The following QKI variants were observed in gnomAD, a reference collection of about 807,000 sequenced individuals.
QKI encodes KH domain-containing RNA-binding protein QKI.
A neutral mutation model predicts 39.0 loss-of-function variants in QKI; 10 were observed. The ratio of observed to expected loss-of-function variants is 0.26; its 90% CI spans 0.16 to 0.43. The LOEUF (loss-of-function observed/expected upper bound fraction) is 0.43. QKI is among the 20% of genes least tolerant of loss of function. The pLI is 1.00. For synonymous variants in QKI, 204 were observed against 155.4 expected (o/e 1.31, Z -2.33); for missense variants, 218 against 428.0 (o/e 0.51, Z 4.33).
rs537919822 is a variant in QKI at position 163,574,556 on chromosome 6, A to G, written c.*3846A>G. The G allele has an allele frequency of 1.1e-4, 17 of 152,344 alleles. No individual in the cohort carries two copies. The highest frequency in any genetic ancestry group is 6.8e-3 in the Middle Eastern group (2 of 294). 9.4% of individuals were successfully genotyped at this position (152,344 alleles called of 1,614,324 possible). On this transcript the variant is annotated 3_prime_UTR_variant, in exon 8 of 8. Transcript: ENST00000361752. Reference sequence around the variant, plus strand: ...TACAGTCAGACTAAAACATTAAACAAGAAGTTTAAGGGGGAATAACATTGG... The same window carrying G: ...TACAGTCAGACTAAAACATTAAACAGGAAGTTTAAGGGGGAATAACATTGG...
rs1269382348 is a variant in QKI at position 163,575,783 on chromosome 6, A to G, written c.*5073A>G. On this transcript the variant is annotated 3_prime_UTR_variant, in exon 8 of 8. Coordinates refer to ENST00000361752, the MANE Select transcript of QKI (RefSeq NM_006775.3). ...AATGAAATTGCTCACTACCAAATCA[A>G]GACTCTTCATATATATACGTGTGTG... 2 of 151,856 alleles carry G rather than the reference A, an allele frequency of 1.3e-5. No individual in the cohort carries two copies. The highest frequency in any genetic ancestry group is 2.4e-5 in the African/African-American group (1 of 41,160). The allele number at this position is 151,856 out of a possible 1,614,324, so 9.4% of individuals were successfully genotyped here.
chr6:163,463,122 A>AAT (rs1237542561), intron 2 of QKI, among the ~76,000 whole-genome samples: 2 of 152,228 alleles, frequency 1.3e-5, no homozygotes, highest in Non-Finnish European at 2.9e-5. Flanking sequence ...CTTGGATTTG[A>AAT]ATAGAGTTTC....
intron 1 of QKI, among the ~76,000 whole-genome samples, chr6:163,434,084 T>A (rs1789054674): frequency 1.3e-5 from 2 of 152,176 alleles, no homozygotes; most frequent in African/African-American, 2.4e-5. Context: ...CTTTTTTTTT[T>A]AATCCAGCTC....
Position 163,576,004 on chromosome 6 carries a change from T to A in QKI, c.*5294T>A, listed in dbSNP as rs1357162343. On this transcript the variant is annotated 3_prime_UTR_variant, in exon 8 of 8. Transcript: ENST00000361752. ...ATAGAACTTACTGCCAAATGATTAT[T>A]TATTTAGCAAAAATTATTCTCCAAC... 2 of 151,702 alleles carry A rather than the reference T, an allele frequency of 1.3e-5. No homozygotes were observed. Among genetic ancestry groups the A allele is most frequent in the African/African-American group, 4.9e-5 (2 of 41,034 alleles). The allele number at this position is 151,702 out of a possible 1,614,324, so 9.4% of individuals were successfully genotyped here. A position where few individuals can be genotyped will look rare whatever the true frequency, so the allele number is the denominator to read the frequency against.
intron 3 of QKI, among the ~76,000 whole-genome samples, chr6:163,489,424 CTGTGTGTGTGTGTGTGTGTGTG>C (rs66826538): frequency 6.7e-6 from 1 of 148,942 alleles, no homozygotes; most frequent in African/African-American, 2.5e-5. Context: ...AGAAGTTATG[CTGTGTGTGTGTGTGTGTGTGTG>C]TGTGTGTGTG....
chr6:163,548,577 T>G (rs555185263), intron 4 of QKI, among the ~76,000 whole-genome samples: 1 of 152,266 alleles, frequency 6.6e-6, no homozygotes, highest in South Asian at 2.1e-4. Context: ...AGTAAAACTG[T>G]TTTTTAAAAG....
chr6:163,523,024 T>C (rs563695198), intron 3 of QKI, among the ~76,000 whole-genome samples: 1 of 152,354 alleles, frequency 6.6e-6, no homozygotes, highest in African/African-American at 2.4e-5. Flanking sequence ...TGTGCTGTTG[T>C]TCTCTTACAT....
At chr6:163,497,303 C>A (rs1246055472) in intron 3 of QKI, among the ~76,000 whole-genome samples, 3 of 152,050 alleles carry the variant, frequency 2.0e-5, no homozygotes, top group East Asian at 3.9e-4. Context: ...GAAATTCATT[C>A]TCTAGGGGAA....
intron 2 of QKI, among the ~76,000 whole-genome samples, chr6:163,457,838 A>T (rs1030990368): frequency 1.3e-5 from 2 of 152,146 alleles, no homozygotes; most frequent in African/African-American, 4.8e-5. Context: ...CTATAGCTGT[A>T]ATCAGTGTTA....
intron 6 of QKI, 46 bp from the exon 7 acceptor site, chr6:163,566,675 T>G: frequency 6.2e-7 from 1 of 1,605,652 alleles, no homozygotes; most frequent in Non-Finnish European, 8.5e-7. Flanking sequence ...TTTTCCCCCC[T>G]TGTGAATGTT....
chr6:163,524,809 G>A (rs1157053611), intron 3 of QKI, among the ~76,000 whole-genome samples: 2 of 152,090 alleles, frequency 1.3e-5, no homozygotes, highest in African/African-American at 2.4e-5. Flanking sequence ...ATTCTAGCCT[G>A]TCCATACCAT....
chr6:163,445,068 C>A (rs945769667), intron 1 of QKI, among the ~76,000 whole-genome samples: 1 of 152,042 alleles, frequency 6.6e-6, no homozygotes. Context: ...CCACACCTGG[C>A]TAATTTTTGT....
At chr6:163,550,102 A>G (rs915613231) in intron 4 of QKI, among the ~76,000 whole-genome samples, 1 of 152,226 alleles carries the variant, frequency 6.6e-6, no homozygotes, top group Non-Finnish European at 1.5e-5. Flanking sequence ...TTATAACAAT[A>G]CCTGAAACTG....
chr6:163,458,437 T>G (rs933503859), intron 2 of QKI, among the ~76,000 whole-genome samples: 9 of 152,218 alleles, frequency 5.9e-5, no homozygotes, highest in Non-Finnish European at 1.0e-4. Flanking sequence ...GTGCTTAGAA[T>G]AGTGTCTGAT....
At chr6:163,554,839 T>G (rs1372483799) in intron 4 of QKI, among the ~76,000 whole-genome samples, 1 of 152,220 alleles carries the variant, frequency 6.6e-6, no homozygotes, top group Non-Finnish European at 1.5e-5. Context: ...CTGGACAATG[T>G]TAAAGCTCAT....
At chr6:163,465,348 G>A (rs1791656406) in intron 2 of QKI, among the ~76,000 whole-genome samples, 1 of 152,134 alleles carries the variant, frequency 6.6e-6, no homozygotes, top group Non-Finnish European at 1.5e-5. Context: ...AATAAAGGCA[G>A]CCAGGAGTGG....
chr6:163,537,689 C>T (rs1170933440), intron 4 of QKI, among the ~76,000 whole-genome samples: 2 of 152,150 alleles, frequency 1.3e-5, no homozygotes, highest in African/African-American at 4.8e-5. Context: ...AACTTGTTAC[C>T]ATGGTCCTGA....
chr6:163,570,688 A>T lies in QKI; in HGVS notation c.1010-6A>T, dbSNP rs531544335. On this transcript the variant is annotated splice_polypyrimidine_tract_variant and splice_region_variant and intron_variant, in intron 7 of 7. Transcript: ENST00000361752. ...GTTTTGTTTTTTTTTGTTTCTAACCACCCAGCCGCCACCGGCAACTAACCT... is the reference window on the plus strand; with the variant it reads ...GTTTTGTTTTTTTTTGTTTCTAACCTCCCAGCCGCCACCGGCAACTAACCT... 16 of 1,609,758 alleles carry T rather than the reference A, an allele frequency of 9.9e-6. No individual in the cohort carries two copies. The South Asian group carries it at 1.4e-4, about 14-fold the overall frequency.
chr6:163,478,223 G>A (rs774347429), intron 2 of QKI, among the ~76,000 whole-genome samples: 8 of 152,140 alleles, frequency 5.3e-5, no homozygotes, highest in Non-Finnish European at 7.4e-5. Flanking sequence ...TTTCTTATAA[G>A]TTAAAGGTAG....
Sources: allele counts gnomAD v4.1 joint callset (sites outside exome capture counted in the v4.1 genomes callset), GRCh38; gene constraint gnomAD v4.1.1; transcripts MANE v1.5; gene names NCBI Gene and HGNC (gene_info 2026-07-23, HGNC 2026-07-21).